HNRNPUL1: variants seen among roughly 807,000 people sequenced by gnomAD.
The protein encoded by HNRNPUL1 is heterogeneous nuclear ribonucleoprotein U like 1.
Under a neutral mutation model 108.5 loss-of-function variants are expected in HNRNPUL1, and 14 were observed. That is an observed-to-expected ratio of 0.13 (90% confidence interval 0.09 to 0.20). The LOEUF is 0.20. HNRNPUL1 is among the 10% of genes least tolerant of loss of function. HNRNPUL1 has a pLI of 1.00. For synonymous variants in HNRNPUL1, 422 were observed against 445.2 expected, an observed-to-expected ratio of 0.95 and a Z score of 0.66; for missense variants, 804 against 1,168.3, an observed-to-expected ratio of 0.69 and a Z score of 4.55.
Position 41,276,853 on chromosome 19 carries a change from C to G in HNRNPUL1, c.786+555C>G, listed in dbSNP as rs189531079. ...GTGGCTTTTGCCTGTAATCCCAGCACTTTTGGGAGGCCAAGGCAGGTGGAT... is the reference window on the plus strand; with the variant it reads ...GTGGCTTTTGCCTGTAATCCCAGCAGTTTTGGGAGGCCAAGGCAGGTGGAT... On this transcript the variant is annotated intron_variant, in intron 5 of 14. Transcript: ENST00000392006. The G allele has an allele frequency of 4.3e-3, 654 of 152,486 alleles. 4 individuals carry two copies. The highest frequency in any genetic ancestry group is 7.1e-3 in the Non-Finnish European group (481 of 68,184). The allele number at this position is 152,486 out of a possible 1,614,324, so 9.4% of individuals were successfully genotyped here.
intron 4 of HNRNPUL1, among the ~76,000 whole-genome samples, chr19:41,274,525 T>G (rs1397537129): frequency 6.6e-6 from 1 of 152,236 alleles, no homozygotes; most frequent in Non-Finnish European, 1.5e-5. Flanking sequence ...GGCACTAACC[T>G]GGCCCGCCCT....
intron 7 of HNRNPUL1, among the ~76,000 whole-genome samples, chr19:41,284,906 G>A (rs1003709212): frequency 1.3e-5 from 2 of 150,976 alleles, no homozygotes; most frequent in Admixed American, 6.6e-5. Context: ...TGAGGCAGGA[G>A]AATGGCGTGA....
chr19:41,289,900 A>T (rs2122775480), intron 7 of HNRNPUL1, among the ~76,000 whole-genome samples: 1 of 151,902 alleles, frequency 6.6e-6, no homozygotes, highest in Non-Finnish European at 1.5e-5. Flanking sequence ...TTTAGTAGAG[A>T]CGGAGTTTCA....
At position 41,264,568 on chromosome 19, in the gene HNRNPUL1, C is replaced by T; in HGVS notation, c.65C>T (p.Thr22Ile). 2 of 1,552,906 alleles carry T rather than the reference C, an allele frequency of 1.3e-6. No homozygotes were observed. Among genetic ancestry groups the T allele is most frequent in the Non-Finnish European group, 1.7e-6 (2 of 1,156,106 alleles). ...GAGCTGCAGCGCCGCGGCCTGGACA[C>T]TCGAGGCCTCAAGGCCGAGCTTGCT... ...REELQRRGLD[T>I]RGLKAELAER... Residue 22 changes from threonine to isoleucine, a missense_variant, in exon 1 of 15, where the codon ACT becomes ATT. Physicochemically the swap from Thr to Ile is moderately conservative, Grantham distance 89 (BLOSUM62 -1). Around this residue, in one of 4 missense-constraint regions of HNRNPUL1, gnomAD observed 256 missense variants for 261.6 expected, o/e 0.98. Coordinates refer to ENST00000392006, the MANE Select transcript of HNRNPUL1 (RefSeq NM_007040.6).
At chr19:41,275,711 T>C (rs904611753) in intron 4 of HNRNPUL1, among the ~76,000 whole-genome samples, 6 of 152,188 alleles carry the variant, frequency 3.9e-5, no homozygotes, top group Non-Finnish European at 5.9e-5. Flanking sequence ...AGGGGTGTGC[T>C]GGTTCCTTTT....
intron 5 of HNRNPUL1, chr19:41,276,769 C>CA (rs1446668451): frequency 2.6e-5 from 4 of 154,296 alleles, no homozygotes; most frequent in Admixed American, 2.5e-4. Flanking sequence ...TCATGTTTAA[C>CA]AAAAGTTCAG....
At chr19:41,284,720 G>A (rs1253346004) in intron 7 of HNRNPUL1, among the ~76,000 whole-genome samples, 2 of 151,964 alleles carry the variant, frequency 1.3e-5, no homozygotes, top group African/African-American at 4.8e-5. Context: ...CATACCTGCC[G>A]GGCACGGTGG....
At chr19:41,295,120 G>C (rs2036813165) in intron 10 of HNRNPUL1, among the ~76,000 whole-genome samples, 1 of 152,204 alleles carries the variant, frequency 6.6e-6, no homozygotes, top group African/African-American at 2.4e-5. Flanking sequence ...GCACTTAGTA[G>C]CTGGTGATTA....
At chr19:41,300,966 A>G (rs1444272979) in intron 10 of HNRNPUL1, among the ~76,000 whole-genome samples, 1 of 152,242 alleles carries the variant, frequency 6.6e-6, no homozygotes, top group African/African-American at 2.4e-5. Context: ...TAGCTAATCT[A>G]TAGGTATTAC....
intron 7 of HNRNPUL1, among the ~76,000 whole-genome samples, chr19:41,286,959 C>T (rs955715554): frequency 6.6e-6 from 1 of 151,538 alleles, no homozygotes; most frequent in Non-Finnish European, 1.5e-5. Context: ...CTCAGATGAT[C>T]CGCCCGCCTC....
chr19:41,302,789 C>G lies in HNRNPUL1; in HGVS notation c.1812C>G (p.Pro604=). ...AGGAAGGCCGCAAGGCTGGGCCACC[C>G]CCTGAAAAGCGCTTTGACAACCGAG... is the stretch of plus-strand genomic sequence containing the variant. ...YNEEGRKAGP[P]PEKRFDNRGG... The change falls in exon 12 of 15, where the codon CCC becomes CCG. Residue 604 remains proline (P), a synonymous_variant. Coordinates refer to ENST00000392006, the MANE Select transcript of HNRNPUL1 (RefSeq NM_007040.6). 6.2e-7 allele frequency: 1 copy of G among 1,611,420 alleles called. No homozygotes were observed. The highest frequency in any genetic ancestry group is 8.5e-7 in the Non-Finnish European group (1 of 1,177,998).
chr19:41,302,617 T>C (rs2037295104), intron 11 of HNRNPUL1, 48 bp from the exon 12 acceptor site: 2 of 1,611,328 alleles, frequency 1.2e-6, no homozygotes, highest in Admixed American at 3.3e-5. Flanking sequence ...CTTCAGAAGG[T>C]ACTGACCTCT....
Position 41,264,589 on chromosome 19 carries a change from T to C in HNRNPUL1, c.86T>C (p.Leu29Pro), listed in dbSNP as rs897674510. ...GLDTRGLKAELAERLQAALEA... is the reference protein window; with the variant it reads ...GLDTRGLKAEPAERLQAALEA... ...GACACTCGAGGCCTCAAGGCCGAGC[T>C]TGCTGAGCGGCTGCAGGCGGCGTTG... Residue 29 changes from leucine to proline, a missense_variant, in exon 1 of 15, where the codon CTT becomes CCT. Physicochemically the swap from Leu to Pro is moderately conservative, Grantham distance 98 (BLOSUM62 -3). Around this residue, in one of 4 missense-constraint regions of HNRNPUL1, gnomAD observed 256 missense variants for 261.6 expected, o/e 0.98. Transcript: ENST00000392006. 2 of 1,574,218 alleles carry C rather than the reference T, an allele frequency of 1.3e-6. No individual in the cohort carries two copies. The highest frequency in any genetic ancestry group is 2.7e-5 in the African/African-American group (2 of 73,212).
chr19:41,280,945 A>C, intron 6 of HNRNPUL1: 1 of 513,056 alleles, frequency 1.9e-6, no homozygotes, highest in Non-Finnish European at 3.5e-6. Flanking sequence ...TTGAGCTCCT[A>C]CTCCCAGACT....
Position 41,273,964 on chromosome 19 carries a change from C to T in HNRNPUL1, c.573-18C>T, listed in dbSNP as rs1357459696. On this transcript the variant is annotated intron_variant, in intron 3 of 14. Coordinates refer to ENST00000392006, the MANE Select transcript of HNRNPUL1 (RefSeq NM_007040.6). The stretch of plus-strand genomic sequence containing the variant: ...CATCCATTGTTCTTGTATGACTTAA[C>T]CCCTGTTTCTAATACAGGGGCCGCT... 6.2e-7 allele frequency: 1 copy of T among 1,603,610 alleles called. No individual in the cohort carries two copies. Among genetic ancestry groups the T allele is most frequent in the African/African-American group, 1.3e-5 (1 of 74,820 alleles).
chr19:41,293,512 G>A (rs1212297800), intron 8 of HNRNPUL1, among the ~76,000 whole-genome samples: 1 of 152,130 alleles, frequency 6.6e-6, no homozygotes, highest in Non-Finnish European at 1.5e-5. Context: ...CCCTAGTCGG[G>A]CATTTAAGAT....
chr19:41,279,329 C>G (rs2035769159), intron 6 of HNRNPUL1, among the ~76,000 whole-genome samples, 153 bp downstream of exon 6: 1 of 152,288 alleles, frequency 6.6e-6, no homozygotes, highest in Non-Finnish European at 1.5e-5. Flanking sequence ...ATGCCACTGT[C>G]TCTGTCATGC....
chr19:41,264,859 G>A (rs1244259617), intron 1 of HNRNPUL1, 61 bp downstream of exon 1: 4 of 1,349,602 alleles, frequency 3.0e-6, no homozygotes, highest in Non-Finnish European at 3.8e-6. Context: ...AAGGGCTGTG[G>A]GACGCGGGAG....
intron 10 of HNRNPUL1, among the ~76,000 whole-genome samples, chr19:41,300,285 C>T (rs1182064243): frequency 6.6e-6 from 1 of 151,888 alleles, no homozygotes; most frequent in African/African-American, 2.4e-5. Flanking sequence ...TGACCCTAGA[C>T]TCTTTGCACC....
Sources: allele counts gnomAD v4.1 joint callset (sites outside exome capture counted in the v4.1 genomes callset), GRCh38; gene constraint gnomAD v4.1.1; regional missense constraint gnomAD v4.1.1; transcripts MANE v1.5; gene names NCBI Gene and HGNC (gene_info 2026-07-23, HGNC 2026-07-21).